SERGEF: variants seen among roughly 807,000 people sequenced by gnomAD.
SERGEF encodes the protein secretion regulating guanine nucleotide exchange factor.
In SERGEF, 51 loss-of-function variants were observed where a neutral mutation model predicts 50.0. The ratio of observed to expected loss-of-function variants is 1.02; its 90% CI spans 0.81 to 1.29. The LOEUF (loss-of-function observed/expected upper bound fraction) is 1.29, where lower values mean the gene tolerates loss of function less well. SERGEF is among the 50% of genes most tolerant of loss of function. The pLI is 0.00. For missense variants in SERGEF, 521 were observed against 557.0 expected, an observed-to-expected ratio of 0.94 and a Z score of 0.65; for synonymous variants, 205 against 212.4, an observed-to-expected ratio of 0.97 and a Z score of 0.30.
chr11:17,805,413 C>T (rs972537710), intron 10 of SERGEF, among the ~76,000 whole-genome samples: 4 of 152,306 alleles, frequency 2.6e-5, no homozygotes, highest in Admixed American at 6.5e-5. Flanking sequence ...CTGTGCTGGG[C>T]GTACAGCCTT....
At chr11:17,976,643 C>G (rs2133985663) in intron 8 of SERGEF, among the ~76,000 whole-genome samples, 1 of 152,014 alleles carries the variant, frequency 6.6e-6, no homozygotes, top group Non-Finnish European at 1.5e-5. Context: ...GGCAAGGTCC[C>G]CTGAGAAAGG....
chr11:17,848,150 A>C (rs938900605), intron 10 of SERGEF, among the ~76,000 whole-genome samples: 1 of 152,202 alleles, frequency 6.6e-6, no homozygotes, highest in Non-Finnish European at 1.5e-5. Context: ...ACCCTAAGGA[A>C]GGCCCAGTCT....
At chr11:17,793,016 C>CTA (rs2133818919) in intron 10 of SERGEF, among the ~76,000 whole-genome samples, 1 of 152,334 alleles carries the variant, frequency 6.6e-6, no homozygotes, top group African/African-American at 2.4e-5. Flanking sequence ...GGCCTATGGA[C>CTA]TACGCTATGC....
chr11:17,920,723 T>C (rs900114696), intron 9 of SERGEF, among the ~76,000 whole-genome samples: 2 of 152,182 alleles, frequency 1.3e-5, no homozygotes, highest in African/African-American at 4.8e-5. Context: ...AGAGCAACCA[T>C]TCCCACAAGA....
intron 9 of SERGEF, among the ~76,000 whole-genome samples, chr11:17,881,489 C>T (rs114721835): frequency 9.5e-4 from 145 of 152,348 alleles, no homozygotes; most frequent in African/African-American, 3.4e-3. Flanking sequence ...CAGTGTTATA[C>T]TCCCTCAGTG....
intron 8 of SERGEF, among the ~76,000 whole-genome samples, chr11:17,964,352 A>G (rs1853075194): frequency 6.6e-6 from 1 of 152,004 alleles, no homozygotes; most frequent in Non-Finnish European, 1.5e-5. Context: ...CCATCCATCA[A>G]GGGCTGCAGG....
chr11:17,949,098 G>A lies in SERGEF; in HGVS notation c.1011+10372C>T, dbSNP rs150133713. 5.7e-3 allele frequency among the ~76,000 whole-genome samples: 869 copies of A among 152,240 alleles called. 9 individuals are homozygous for A. The highest frequency in any genetic ancestry group is 0.02 in the African/African-American group (822 of 41,536). ...TAACAACTGGCTGGGGATCTTGGGG[G>A]TCTAAAGGCTGCATCCCAAGGGAAT... On this transcript the variant is annotated intron_variant, in intron 9 of 10. Coordinates refer to ENST00000265965, the MANE Select transcript of SERGEF (RefSeq NM_012139.4).
intron 9 of SERGEF, among the ~76,000 whole-genome samples, chr11:17,896,807 G>C (rs866993848): frequency 1.6e-5 from 2 of 126,578 alleles, no homozygotes; most frequent in African/African-American, 3.1e-5. Flanking sequence ...GGAAGGGTAA[G>C]GGAAGGGTAA....
rs1375864551 is a variant in SERGEF, at chr11:17,884,501, T to C, written c.1012-6257A>G. Among the ~76,000 whole-genome samples, 1 of 151,934 alleles carries C rather than the reference T, an allele frequency of 6.6e-6. No individual in the cohort carries two copies. Among genetic ancestry groups the C allele is most frequent in the African/African-American group, 2.4e-5 (1 of 41,364 alleles). ...GGTGACAACCAGAATTTCCAAACTA[T>C]TAGAAACGCAGTGCTTGGAAGCTGG... On this transcript the variant is annotated intron_variant, in intron 9 of 10. Transcript: ENST00000265965. The surrounding 1 kb of genome is among the most constrained non-coding windows in gnomAD (Gnocchi z 4.6).
intron 10 of SERGEF, among the ~76,000 whole-genome samples, chr11:17,810,802 T>G (rs1849854102): frequency 7.0e-6 from 1 of 143,384 alleles, no homozygotes. Context: ...AGGATACAGG[T>G]GAAGAAAAAA....
At chr11:17,809,697 T>C (rs1849832052) in intron 10 of SERGEF, among the ~76,000 whole-genome samples, 1 of 151,984 alleles carries the variant, frequency 6.6e-6, no homozygotes, top group Admixed American at 6.5e-5. Context: ...AGCAAAGAGG[T>C]GGGACCAAGA....
chr11:17,931,311 AT>A (rs1300283541), intron 9 of SERGEF, among the ~76,000 whole-genome samples: 1 of 152,156 alleles, frequency 6.6e-6, no homozygotes, highest in African/African-American at 2.4e-5. Context: ...CAGAAAGAAC[AT>A]GGGGGCAAAA....
intron 10 of SERGEF, chr11:17,866,960 A>G (rs1228869361): frequency 6.6e-6 from 1 of 152,180 alleles, no homozygotes; most frequent in African/African-American, 2.4e-5. Context: ...GCAGCACAGG[A>G]AAGACCTGCC....
intron 1 of SERGEF, among the ~76,000 whole-genome samples, chr11:18,010,784 A>G (rs1565231225): frequency 6.6e-6 from 1 of 152,170 alleles, no homozygotes; most frequent in Admixed American, 6.5e-5. Flanking sequence ...TGCTGGCCCA[A>G]AGAAGATGTA....
chr11:17,858,396 C>A (rs1850864165), intron 10 of SERGEF, among the ~76,000 whole-genome samples: 1 of 152,232 alleles, frequency 6.6e-6, no homozygotes, highest in Non-Finnish European at 1.5e-5. Flanking sequence ...GGGACTCCCC[C>A]CAGCCCCCTT....
intron 10 of SERGEF, among the ~76,000 whole-genome samples, chr11:17,808,243 G>A (rs1468292725): frequency 2.6e-5 from 4 of 152,176 alleles, no homozygotes; most frequent in Non-Finnish European, 5.9e-5. Flanking sequence ...AAATGCCTGA[G>A]GCTGGATAAT....
intron 9 of SERGEF, among the ~76,000 whole-genome samples, chr11:17,907,148 T>C (rs1360326586): frequency 1.5e-5 from 2 of 137,304 alleles, no homozygotes; most frequent in African/African-American, 5.7e-5. Flanking sequence ...TCTGTCAAAC[T>C]GTCAAACTTA....
At chr11:17,995,215 T>C (rs1340764602) in intron 6 of SERGEF, among the ~76,000 whole-genome samples, 4 of 152,158 alleles carry the variant, frequency 2.6e-5, no homozygotes, top group Non-Finnish European at 5.9e-5. Flanking sequence ...ACTCCTCGTA[T>C]TTTCGCGTAG....
intron 5 of SERGEF, among the ~76,000 whole-genome samples, chr11:17,999,194 G>A: frequency 6.6e-6 from 1 of 152,184 alleles, no homozygotes; most frequent in East Asian, 1.9e-4. Context: ...GCTAAGAAGT[G>A]GTTATAGGCA....
Sources: gnomAD v4.1 joint callset for allele counts (sites outside exome capture counted in the v4.1 genomes callset) on GRCh38, gnomAD v4.1.1 for gene constraint, Gnocchi (gnomAD v3.1) non-coding constraint, MANE v1.5 for transcripts, NCBI Gene and HGNC (gene_info 2026-07-23, HGNC 2026-07-21) for gene names.